LRRC4C: variants seen among roughly 807,000 people sequenced by gnomAD.
LRRC4C encodes the protein leucine-rich repeat-containing protein 4C.
A neutral mutation model predicts 33.6 loss-of-function variants in LRRC4C; 5 were observed. The observed-to-expected ratio is 0.15, with a 90% CI of 0.08 to 0.31. LRRC4C has a LOEUF of 0.31. Among genes scored for constraint, LRRC4C ranks in the 10% least tolerant of loss-of-function variants. The pLI is 1.00. For missense variants in LRRC4C, 560 were observed against 796.7 expected, an observed-to-expected ratio of 0.70 and a Z score of 3.58; for synonymous variants, 329 against 302.0, an observed-to-expected ratio of 1.09 and a Z score of -0.93.
intron 1 of LRRC4C, among the ~76,000 whole-genome samples, chr11:41,353,846 G>T (rs7939240): frequency 6.6e-6 from 1 of 151,416 alleles, no homozygotes; most frequent in African/African-American, 2.4e-5. Flanking sequence ...ACAAAACAAC[G>T]CAACAATCTA....
intron 5 of LRRC4C, among the ~76,000 whole-genome samples, chr11:40,197,531 A>G (rs994876170): frequency 1.3e-5 from 2 of 152,220 alleles, no homozygotes; most frequent in Non-Finnish European, 2.9e-5. Flanking sequence ...TTTCCGTAGA[A>G]TAAGTCTACC....
At chr11:40,947,166 A>T (rs776592783) in intron 1 of LRRC4C, among the ~76,000 whole-genome samples, 1 of 152,166 alleles carries the variant, frequency 6.6e-6, no homozygotes, top group South Asian at 2.1e-4. Context: ...TGAATTATAC[A>T]TCTTAATCAT....
At chr11:40,489,230 CTTATT>C (rs977361946) in intron 3 of LRRC4C, among the ~76,000 whole-genome samples, 13 of 152,106 alleles carry the variant, frequency 8.5e-5, no homozygotes, top group African/African-American at 1.9e-4. Context: ...TCAAGTTTTA[CTTATT>C]TTAAAGTCCA....
chr11:41,021,293 TAAA>T (rs58754144), intron 1 of LRRC4C, among the ~76,000 whole-genome samples: 27 of 144,916 alleles, frequency 1.9e-4, no homozygotes, highest in Non-Finnish European at 3.0e-4. Context: ...CTCCAAGAAA[TAAA>T]AAAAAAAAAG....
rs1464953739 is a variant in LRRC4C, at chr11:40,861,045, A to G, written c.-407+72590T>C. Among the ~76,000 whole-genome samples the G allele has an allele frequency of 2.0e-5, 3 of 152,234 alleles. No individual in the cohort carries two copies. In the East Asian group the frequency reaches 5.8e-4, roughly 29 times the overall value. The stretch of plus-strand genomic sequence containing the variant: ...GTCTTATAATTGTAAATTACATGAG[A>G]ACATATTTATGTTGGAAGTGAACAC... On this transcript the variant is annotated intron_variant, in intron 2 of 6. Transcript: ENST00000528697.
intron 2 of LRRC4C, among the ~76,000 whole-genome samples, chr11:40,762,697 A>T (rs996492174): frequency 1.3e-5 from 2 of 152,112 alleles, no homozygotes; most frequent in African/African-American, 2.4e-5. Flanking sequence ...GAGATATGAG[A>T]AGTTGACTTG....
At chr11:41,297,864 T>C (rs927615009) in intron 1 of LRRC4C, among the ~76,000 whole-genome samples, 1 of 152,188 alleles carries the variant, frequency 6.6e-6, no homozygotes, top group Non-Finnish European at 1.5e-5. Flanking sequence ...AAATAACAGA[T>C]GATTGACAGG....
At chr11:40,492,227 T>C (rs1483161324) in intron 3 of LRRC4C, among the ~76,000 whole-genome samples, 1 of 152,222 alleles carries the variant, frequency 6.6e-6, no homozygotes, top group Non-Finnish European at 1.5e-5. Flanking sequence ...TTCATACATT[T>C]GTCACTCGAC....
At chr11:40,804,760 A>T (rs769109803) in intron 2 of LRRC4C, among the ~76,000 whole-genome samples, 14 of 152,178 alleles carry the variant, frequency 9.2e-5, no homozygotes, top group Non-Finnish European at 1.6e-4. Context: ...AGATGACTTG[A>T]AATTATTTTT....
At chr11:40,246,209 G>C (rs2136135950) in intron 4 of LRRC4C, among the ~76,000 whole-genome samples, 1 of 152,058 alleles carries the variant, frequency 6.6e-6, no homozygotes, top group East Asian at 1.9e-4. Context: ...CCTGAAATCA[G>C]GTGATACACC....
Position 40,678,286 on chromosome 11 carries a change from G to A in LRRC4C, c.-406-30008C>T, listed in dbSNP as rs539432405. 7.2e-5 allele frequency among the ~76,000 whole-genome samples: 11 copies of A among 152,140 alleles called. No individual in the cohort carries two copies. The South Asian group carries it at 1.5e-3, about 20-fold the overall frequency. On this transcript the variant is annotated intron_variant, in intron 2 of 6. Coordinates refer to ENST00000528697, the MANE Select transcript of LRRC4C (RefSeq NM_001258419.2). ...CAGTAGGTAGAATTTCAGCCCTGGA[G>A]CCCCTCCTCCTTCTCCCCCATCTAA...
chr11:41,129,187 CT>C (rs1942894888), intron 1 of LRRC4C, among the ~76,000 whole-genome samples: 2 of 151,750 alleles, frequency 1.3e-5, no homozygotes, highest in African/African-American at 4.8e-5. Context: ...AAAAAGAAAA[CT>C]TTTTTATAAT....
intron 3 of LRRC4C, among the ~76,000 whole-genome samples, chr11:40,469,163 A>G (rs1200808395): frequency 6.6e-6 from 1 of 152,120 alleles, no homozygotes; most frequent in East Asian, 1.9e-4. Context: ...TGATTTCTGC[A>G]TTTCCAACTG....
chr11:40,179,300 A>G (rs1434359640), intron 5 of LRRC4C, among the ~76,000 whole-genome samples: 1 of 152,168 alleles, frequency 6.6e-6, no homozygotes, highest in African/African-American at 2.4e-5. Context: ...CACCACACCC[A>G]GCTGGTCATC....
chr11:40,930,318 C>G (rs996618982), intron 2 of LRRC4C, among the ~76,000 whole-genome samples: 1 of 152,172 alleles, frequency 6.6e-6, no homozygotes, highest in African/African-American at 2.4e-5. Flanking sequence ...TTATCCGCTG[C>G]TAGGACTTCC....
chr11:41,121,103 C>A (rs1422505701), intron 1 of LRRC4C, among the ~76,000 whole-genome samples: 13 of 152,130 alleles, frequency 8.5e-5, no homozygotes, highest in Non-Finnish European at 1.0e-4. Context: ...AATAAACTAA[C>A]CTAAAAGTGC....
intron 3 of LRRC4C, among the ~76,000 whole-genome samples, chr11:40,433,768 T>TA (rs1365056917): frequency 6.6e-6 from 1 of 152,114 alleles, no homozygotes; most frequent in African/African-American, 2.4e-5. Flanking sequence ...TCCAAGGACT[T>TA]AAAGTTTGGG....
chr11:40,313,962 A>C (rs1488411940), intron 4 of LRRC4C, among the ~76,000 whole-genome samples: 1 of 152,050 alleles, frequency 6.6e-6, no homozygotes, highest in Non-Finnish European at 1.5e-5. Flanking sequence ...TTTATGAATA[A>C]GACCTCAACA....
chr11:41,040,255 A>G (rs1011877328), intron 1 of LRRC4C, among the ~76,000 whole-genome samples: 1 of 151,780 alleles, frequency 6.6e-6, no homozygotes, highest in African/African-American at 2.4e-5. Flanking sequence ...TTCACTGTGT[A>G]TGTGTTTATA....
Sources: gnomAD v4.1 joint callset for allele counts (sites outside exome capture counted in the v4.1 genomes callset) on GRCh38, gnomAD v4.1.1 for gene constraint, MANE v1.5 for transcripts, NCBI Gene and HGNC (gene_info 2026-07-23, HGNC 2026-07-21) for gene names.